Variants in GMPR observed in about 807,000 individuals in gnomAD.
GMPR encodes guanosine monophosphate reductase.
A neutral mutation model predicts 38.4 loss-of-function variants in GMPR; 31 were observed. The ratio of observed to expected loss-of-function variants is 0.81; its 90% CI spans 0.61 to 1.09. GMPR has a LOEUF of 1.09. Ranked by LOEUF, GMPR falls within the 50% of genes least tolerant of loss-of-function variation. The pLI is 0.00. For synonymous variants in GMPR, 162 were observed against 173.3 expected, an observed-to-expected ratio of 0.93 and a Z score of 0.51; for missense variants, 468 against 453.7, an observed-to-expected ratio of 1.03 and a Z score of -0.29.
chr6:16,290,587 A>T lies in GMPR; in HGVS notation c.823A>T (p.Met275Leu), dbSNP rs141036015. Residue 275 changes from methionine to leucine, a missense_variant, in exon 8 of 9, where the codon ATG becomes TTG. By Grantham distance (15) the Met-to-Leu change is conservative. Coordinates refer to ENST00000259727, the MANE Select transcript of GMPR (RefSeq NM_006877.4). ...CTACGGGATGAGCTCTGACACCGCC[A>T]TGAACAAGCACGCAGGAGGAGTTGC... ...LFYGMSSDTA[M>L]NKHAGGVAEY... is the part of the protein sequence containing the mutation. The T allele has an allele frequency of 2.5e-6, 4 of 1,614,092 alleles. No homozygotes were observed. The highest frequency in any genetic ancestry group is 2.5e-6 in the Non-Finnish European group (3 of 1,180,050).
intron 8 of GMPR, among the ~76,000 whole-genome samples, chr6:16,291,242 G>A (rs1759837150): frequency 6.6e-6 from 1 of 151,576 alleles, no homozygotes; most frequent in South Asian, 2.1e-4. Flanking sequence ...TTATTTTTTT[G>A]TGGTGGAGTC....
intron 1 of GMPR, among the ~76,000 whole-genome samples, chr6:16,239,239 G>A (rs1047258783): frequency 1.3e-5 from 2 of 152,166 alleles, no homozygotes; most frequent in Admixed American, 1.3e-4. Context: ...CTTCGTGAAC[G>A]CGTCTGAAAA....
chr6:16,288,658 T>TA (rs918126560), intron 7 of GMPR, among the ~76,000 whole-genome samples: 22 of 152,224 alleles, frequency 1.4e-4, no homozygotes, highest in African/African-American at 5.3e-4. Flanking sequence ...GGCGTGGGAC[T>TA]GGTGGGCAGC....
intron 1 of GMPR, among the ~76,000 whole-genome samples, chr6:16,239,396 G>A (rs992043169): frequency 1.3e-5 from 2 of 152,322 alleles, no homozygotes; most frequent in South Asian, 2.1e-4. Flanking sequence ...GGGTGAGAGA[G>A]GTGGGGGCGA....
intron 4 of GMPR, among the ~76,000 whole-genome samples, chr6:16,256,209 C>T (rs977847046): frequency 7.0e-6 from 1 of 142,898 alleles, no homozygotes; most frequent in African/African-American, 2.7e-5. Context: ...GAGGGAGACT[C>T]CGTCTCAAAA....
intron 4 of GMPR, among the ~76,000 whole-genome samples, chr6:16,269,395 T>A (rs1366065065): frequency 6.6e-6 from 1 of 152,154 alleles, no homozygotes; most frequent in Non-Finnish European, 1.5e-5. Context: ...CTGGAAAAAT[T>A]GGGGCAAAGC....
intron 7 of GMPR, among the ~76,000 whole-genome samples, chr6:16,289,123 C>T (rs886747606): frequency 7.2e-5 from 11 of 152,190 alleles, no homozygotes; most frequent in African/African-American, 2.2e-4. Flanking sequence ...GGTCTTTAGG[C>T]CCACACTGCT....
At chr6:16,253,614 A>C (rs911464599) in intron 3 of GMPR, among the ~76,000 whole-genome samples, 2 of 146,442 alleles carry the variant, frequency 1.4e-5, no homozygotes, top group South Asian at 2.1e-4. Context: ...CCCCACCTCC[A>C]CTGGGGGGGG....
intron 4 of GMPR, among the ~76,000 whole-genome samples, chr6:16,266,134 CATCTTTAA>C (rs1759209797): frequency 9.2e-5 from 4 of 43,324 alleles, no homozygotes; most frequent in African/African-American, 7.5e-4. Flanking sequence ...TAACACTTGC[CATCTTTAA>C]GAGCTGTAAC....
chr6:16,279,103 G>T (rs1316299473), intron 6 of GMPR, among the ~76,000 whole-genome samples: 1 of 152,210 alleles, frequency 6.6e-6, no homozygotes, highest in African/African-American at 2.4e-5. Context: ...ACAAGCAGGT[G>T]GGTGGTCCAT....
chr6:16,243,070 G>T (rs1188186473), intron 1 of GMPR, among the ~76,000 whole-genome samples: 1 of 151,962 alleles, frequency 6.6e-6, no homozygotes, highest in Non-Finnish European at 1.5e-5. Context: ...ACATTTTGGG[G>T]GCGGGGGGGA....
Position 16,274,498 on chromosome 6 carries a change from T to C in GMPR, c.547+2T>C, listed in dbSNP as rs765697418. Reference sequence around the variant, plus strand: ...TCATCAAAGTGGGAGTTGGACCAGGTAAGACTTGTTAGGAGCACAGCAGAG... The same window carrying C: ...TCATCAAAGTGGGAGTTGGACCAGGCAAGACTTGTTAGGAGCACAGCAGAG... On this transcript the variant is annotated splice_donor_variant, in intron 5 of 8. Transcript: ENST00000259727. LOFTEE classifies it high-confidence loss of function. 19 of 1,559,788 alleles carry C rather than the reference T, an allele frequency of 1.2e-5. No individual in the cohort carries two copies. In the Middle Eastern group the frequency reaches 2.5e-3, roughly 207 times the overall value.
chr6:16,274,359 A>G, intron 4 of GMPR, 56 bp from the exon 5 acceptor site: 1 of 1,118,064 alleles, frequency 8.9e-7, no homozygotes, highest in Non-Finnish European at 1.4e-6. Context: ...GGGGTTCCTC[A>G]CCTTTATACC....
At position 16,295,190 on chromosome 6, in the gene GMPR, T is replaced by G. The variant is rs770344116; in HGVS notation, c.*4T>G. The G allele has an allele frequency of 6.7e-7, 1 of 1,503,126 alleles. No individual in the cohort carries two copies. The highest frequency in any genetic ancestry group is 8.8e-7 in the Non-Finnish European group (1 of 1,131,828). 93.1% of individuals were successfully genotyped at this position (1,503,126 alleles called of 1,614,324 possible). On this transcript the variant is annotated 3_prime_UTR_variant, in exon 9 of 9. Transcript: ENST00000259727. ...GCACAACACCGTGTTCAGCTAACCC[T>G]GGGGACAAAGCAGCGTCTGGCTCGA...
At chr6:16,273,564 C>A (rs983186195) in intron 4 of GMPR, among the ~76,000 whole-genome samples, 1 of 152,112 alleles carries the variant, frequency 6.6e-6, no homozygotes, top group South Asian at 2.1e-4. Flanking sequence ...AAACTGAGCA[C>A]GTGCTGATGC....
intron 4 of GMPR, among the ~76,000 whole-genome samples, chr6:16,259,541 T>A (rs1354718115): frequency 1.3e-5 from 2 of 151,922 alleles, no homozygotes; most frequent in Admixed American, 6.6e-5. Flanking sequence ...TTCTCAGGGC[T>A]GCTTCGAGTG....
chr6:16,256,471 G>A (rs1023039717), intron 4 of GMPR, among the ~76,000 whole-genome samples: 7 of 146,146 alleles, frequency 4.8e-5, no homozygotes, highest in Non-Finnish European at 7.5e-5. Flanking sequence ...AAAGGTGGCT[G>A]TGAGCCGAGA....
intron 4 of GMPR, among the ~76,000 whole-genome samples, chr6:16,268,671 T>C (rs1759318590): frequency 1.3e-5 from 2 of 152,178 alleles, no homozygotes; most frequent in South Asian, 4.1e-4. Flanking sequence ...TTGCCTTTTA[T>C]CATCCTATGG....
At chr6:16,289,324 A>G (rs893276622) in intron 7 of GMPR, among the ~76,000 whole-genome samples, 1 of 152,238 alleles carries the variant, frequency 6.6e-6, no homozygotes, top group Non-Finnish European at 1.5e-5. Context: ...ACACAGTAGC[A>G]GTTCCTTAGT....
Sources: gnomAD v4.1 joint callset for allele counts (sites outside exome capture counted in the v4.1 genomes callset) on GRCh38, gnomAD v4.1.1 for gene constraint, MANE v1.5 for transcripts, NCBI Gene and HGNC (gene_info 2026-07-23, HGNC 2026-07-21) for gene names.